PIP5K1B: variants seen among roughly 807,000 people sequenced by gnomAD.
The protein encoded by PIP5K1B is phosphatidylinositol 4-phosphate 5-kinase type-1 beta.
A neutral mutation model predicts 67.0 loss-of-function variants in PIP5K1B; 42 were observed. The ratio of observed to expected loss-of-function variants is 0.63; its 90% CI spans 0.49 to 0.81. The LOEUF (loss-of-function observed/expected upper bound fraction) is 0.81. PIP5K1B is among the 30% of genes least tolerant of loss of function. PIP5K1B has a pLI of 0.00. For missense variants in PIP5K1B, 459 were observed against 646.3 expected, an observed-to-expected ratio of 0.71 and a Z score of 3.14; for synonymous variants, 214 against 231.4, an observed-to-expected ratio of 0.92 and a Z score of 0.68.
At chr9:68,988,989 A>G (rs529157984) in intron 14 of PIP5K1B, among the ~76,000 whole-genome samples, 202 of 146,662 alleles carry the variant, frequency 1.4e-3, no homozygotes, top group Admixed American at 3.9e-3. Context: ...CAGCTGCTCG[A>G]GAGGCTGAGG....
At chr9:68,870,799 T>A (rs550030603) in intron 5 of PIP5K1B, among the ~76,000 whole-genome samples, 1 of 152,336 alleles carries the variant, frequency 6.6e-6, no homozygotes, top group South Asian at 2.1e-4. Flanking sequence ...GCATTTAGCA[T>A]CCTTTAGCGA....
intron 15 of PIP5K1B, among the ~76,000 whole-genome samples, chr9:68,996,164 A>G (rs1463711920): frequency 6.6e-6 from 1 of 152,258 alleles, no homozygotes; most frequent in Non-Finnish European, 1.5e-5. Context: ...ACCAGATAAC[A>G]TATGAAATAT....
intron 4 of PIP5K1B, 68 bp downstream of exon 4, chr9:68,822,751 G>C (rs1833793714): frequency 9.4e-7 from 1 of 1,059,650 alleles, no homozygotes; most frequent in South Asian, 1.3e-5. Context: ...TATTATCAAA[G>C]GCCTTTCCTT....
At chr9:68,780,790 A>T in intron 2 of PIP5K1B, 1 of 1,614,272 alleles carries the variant, frequency 6.2e-7, no homozygotes, top group Non-Finnish European at 8.5e-7. Flanking sequence ...TGTGAAATGG[A>T]AACTGAATAT....
At chr9:68,945,176 C>G (rs571757325) in intron 14 of PIP5K1B, among the ~76,000 whole-genome samples, 5 of 151,528 alleles carry the variant, frequency 3.3e-5, no homozygotes, top group African/African-American at 1.2e-4. Context: ...GAGAGAGTCT[C>G]GCGCTGTGGC....
chr9:68,730,286 A>C (rs902717371), intron 1 of PIP5K1B, among the ~76,000 whole-genome samples: 8 of 152,234 alleles, frequency 5.3e-5, no homozygotes, highest in Non-Finnish European at 1.2e-4. Context: ...GAGGTATATC[A>C]TAGGATATAG....
chr9:68,820,215 C>T (rs549104291), intron 3 of PIP5K1B, among the ~76,000 whole-genome samples: 4 of 152,168 alleles, frequency 2.6e-5, no homozygotes, highest in Non-Finnish European at 5.9e-5. Context: ...CTGTATTTTA[C>T]CCTGAGCCTG....
intron 1 of PIP5K1B, among the ~76,000 whole-genome samples, chr9:68,716,084 T>A (rs1223585179): frequency 6.6e-6 from 1 of 152,212 alleles, no homozygotes; most frequent in South Asian, 2.1e-4. Flanking sequence ...TTACTTATTT[T>A]AAAAATTAGA....
In PIP5K1B at chr9:68,785,400, G is replaced by T. The variant is rs199860669; in HGVS notation, c.-85-33061G>T. ...GTTAGAGAATCAGGGCTGAAGGCAA[G>T]CCTTGAGTGCCACTTACTTGGTAAA... On this transcript the variant is annotated intron_variant, in intron 2 of 15. Coordinates refer to ENST00000265382, the MANE Select transcript of PIP5K1B (RefSeq NM_003558.4). Among the ~76,000 whole-genome samples the T allele has an allele frequency of 3.9e-5, 6 of 152,294 alleles. No homozygotes were observed. In the East Asian group the frequency reaches 9.6e-4, roughly 24 times the overall value.
intron 6 of PIP5K1B, among the ~76,000 whole-genome samples, chr9:68,880,772 C>T (rs984460179): frequency 1.9e-4 from 29 of 152,290 alleles, no homozygotes; most frequent in African/African-American, 6.5e-4. Context: ...AGAACAAAGG[C>T]AGTGGCCTTA....
intron 2 of PIP5K1B, among the ~76,000 whole-genome samples, chr9:68,750,553 T>C (rs769237263): frequency 1.3e-5 from 2 of 152,244 alleles, no homozygotes; most frequent in African/African-American, 2.4e-5. Context: ...GTGATTTGAA[T>C]AGATACCATC....
intron 14 of PIP5K1B, among the ~76,000 whole-genome samples, chr9:68,955,269 A>G (rs1828326593): frequency 1.3e-5 from 2 of 152,232 alleles, no homozygotes; most frequent in African/African-American, 4.8e-5. Flanking sequence ...TCCAAAAGTG[A>G]CAATGTTGCT....
At chr9:68,712,731 A>T (rs182186156) in intron 1 of PIP5K1B, among the ~76,000 whole-genome samples, 1 of 152,356 alleles carries the variant, frequency 6.6e-6, no homozygotes, top group Admixed American at 6.5e-5. Flanking sequence ...ACTTGTTTAG[A>T]TGATAAATTC....
At chr9:68,765,848 T>C (rs1830402018) in intron 2 of PIP5K1B, among the ~76,000 whole-genome samples, 1 of 152,210 alleles carries the variant, frequency 6.6e-6, no homozygotes, top group Non-Finnish European at 1.5e-5. Context: ...ACAATTGATG[T>C]AGACTTTCTC....
chr9:68,830,675 G>A (rs966691051), intron 4 of PIP5K1B, among the ~76,000 whole-genome samples: 10 of 152,100 alleles, frequency 6.6e-5, no homozygotes, highest in African/African-American at 1.9e-4. Flanking sequence ...CTTCCTGCAC[G>A]GCTTCCTTCA....
chr9:68,868,152 G>A (rs906984592), intron 5 of PIP5K1B, among the ~76,000 whole-genome samples: 1 of 152,120 alleles, frequency 6.6e-6, no homozygotes, highest in Admixed American at 6.5e-5. Context: ...AAGTAGATAA[G>A]TAAGAAAATC....
At chr9:68,819,440 A>AT (rs1276706463) in intron 3 of PIP5K1B, among the ~76,000 whole-genome samples, 5 of 152,010 alleles carry the variant, frequency 3.3e-5, no homozygotes, top group Non-Finnish European at 7.4e-5. Flanking sequence ...AACCTGGCTA[A>AT]TTTTTTATTT....
At chr9:68,887,855 C>T (rs1187326908) in intron 6 of PIP5K1B, among the ~76,000 whole-genome samples, 1 of 152,016 alleles carries the variant, frequency 6.6e-6, no homozygotes, top group Non-Finnish European at 1.5e-5. Context: ...CTTCCATTCT[C>T]TAAGGGAAAA....
chr9:68,796,449 G>A (rs1832299417), intron 2 of PIP5K1B, among the ~76,000 whole-genome samples: 1 of 152,028 alleles, frequency 6.6e-6, no homozygotes. Flanking sequence ...TTTCTGAACC[G>A]GTTTTGTTAT....
Sources: allele counts gnomAD v4.1 joint callset (sites outside exome capture counted in the v4.1 genomes callset), GRCh38; gene constraint gnomAD v4.1.1; transcripts MANE v1.5; gene names NCBI Gene and HGNC (gene_info 2026-07-23, HGNC 2026-07-21).